The following HIBCH variants were observed in gnomAD, a reference collection of about 807,000 sequenced individuals.
HIBCH encodes 3-hydroxyisobutyryl-CoA hydrolase, also known as 3-hydroxyisobutyryl-CoA hydrolase, mitochondrial.
Under a neutral mutation model 58.2 loss-of-function variants are expected in HIBCH, and 50 were observed. That is an observed-to-expected ratio of 0.86 (90% CI 0.68 to 1.09). The LOEUF (loss-of-function observed/expected upper bound fraction) is 1.09. Ranked by LOEUF, HIBCH falls within the 50% of genes least tolerant of loss-of-function variation. The pLI is 0.00. For synonymous variants in HIBCH, 151 were observed against 146.9 expected (o/e 1.03, Z -0.20); for missense variants, 450 against 449.7 (o/e 1.00, Z -0.01).
intron 3 of HIBCH, among the ~76,000 whole-genome samples, chr2:190,296,156 C>A (rs1348323463): frequency 1.3e-5 from 2 of 152,178 alleles, no homozygotes; most frequent in Non-Finnish European, 2.9e-5. Flanking sequence ...TGCGGTGGCT[C>A]ACGCCTGTAA....
At chr2:190,275,394 C>A (rs775900014) in intron 6 of HIBCH, among the ~76,000 whole-genome samples, 3 of 152,080 alleles carry the variant, frequency 2.0e-5, no homozygotes, top group Non-Finnish European at 4.4e-5. Context: ...AAAAAGTTCA[C>A]GGAATATGCA....
chr2:190,316,594 T>C (rs904820038), intron 1 of HIBCH, among the ~76,000 whole-genome samples: 1 of 152,194 alleles, frequency 6.6e-6, no homozygotes, highest in South Asian at 2.1e-4. Flanking sequence ...GTCTATATTC[T>C]ATAAGGGCAA....
At chr2:190,311,194 T>C (rs989297500) in intron 1 of HIBCH, among the ~76,000 whole-genome samples, 2 of 152,200 alleles carry the variant, frequency 1.3e-5, no homozygotes, top group South Asian at 2.1e-4. Context: ...AAAGGCTACA[T>C]ACTCTCATTT....
intron 13 of HIBCH, among the ~76,000 whole-genome samples, chr2:190,208,079 AAC>A (rs1192009466): frequency 2.6e-5 from 4 of 152,246 alleles, no homozygotes; most frequent in Admixed American, 6.5e-5. Flanking sequence ...TGCTAGAAAA[AAC>A]AGTCAAGCAC....
chr2:190,275,327 T>C (rs1687518889), intron 6 of HIBCH, among the ~76,000 whole-genome samples: 1 of 152,234 alleles, frequency 6.6e-6, no homozygotes, highest in South Asian at 2.1e-4. Context: ...CTCTGTTCTA[T>C]ATCTACTTAA....
intron 1 of HIBCH, among the ~76,000 whole-genome samples, chr2:190,314,379 G>A (rs9750934): frequency 2.1e-4 from 18 of 83,982 alleles, no homozygotes; most frequent in Non-Finnish European, 2.8e-4. Flanking sequence ...ACGTATATAT[G>A]TGTATATATA....
At chr2:190,284,038 C>T (rs1256703944) in intron 6 of HIBCH, among the ~76,000 whole-genome samples, 1 of 152,152 alleles carries the variant, frequency 6.6e-6, no homozygotes, top group Non-Finnish European at 1.5e-5. Context: ...CTAGGCAAAC[C>T]CAAGAACATT....
At chr2:190,203,452 G>T (rs140205848), downstream of HIBCH, 443 of 166,432 alleles carry the variant, frequency 2.7e-3, 1 homozygote, top group African/African-American at 0.01. Context: ...ATTTGTTGTT[G>T]TAACTGCACA....
At chr2:190,265,703 C>T (rs1687213812) in intron 6 of HIBCH, among the ~76,000 whole-genome samples, 1 of 152,132 alleles carries the variant, frequency 6.6e-6, no homozygotes, top group African/African-American at 2.4e-5. Flanking sequence ...AAATTTTCTT[C>T]ATAAAAAGGT....
chr2:190,297,728 C>T (rs1688141084), intron 2 of HIBCH, among the ~76,000 whole-genome samples: 1 of 152,180 alleles, frequency 6.6e-6, no homozygotes, highest in Non-Finnish European at 1.5e-5. Context: ...CTCTGCTATA[C>T]CCAACCATCA....
chr2:190,264,143 C>T (rs1209083322), intron 6 of HIBCH, among the ~76,000 whole-genome samples: 1 of 152,178 alleles, frequency 6.6e-6, no homozygotes, highest in Non-Finnish European at 1.5e-5. Context: ...GACTTCCCTT[C>T]ACACTAAAAT....
intron 2 of HIBCH, among the ~76,000 whole-genome samples, chr2:190,300,782 T>G (rs1351370823): frequency 6.6e-6 from 1 of 152,228 alleles, no homozygotes; most frequent in East Asian, 1.9e-4. Context: ...TTTTACAGCT[T>G]TGGGTTTTAC....
At chr2:190,290,535 T>G (rs529445926) in intron 4 of HIBCH, 50 bp from the exon 5 acceptor site, 2 of 1,127,590 alleles carry the variant, frequency 1.8e-6, no homozygotes, top group Non-Finnish European at 2.7e-6. Context: ...ATAGTCAACA[T>G]TGTCAACTAG....
At chr2:190,309,895 A>G (rs1688514672) in intron 2 of HIBCH, among the ~76,000 whole-genome samples, 1 of 152,160 alleles carries the variant, frequency 6.6e-6, no homozygotes, top group Admixed American at 6.5e-5. Flanking sequence ...TTGAAGGATG[A>G]AAAGTATTTT....
rs958624850 is a variant in HIBCH at position 190,204,281 on chromosome 2, A to G, written c.*836T>C. On this transcript the variant is annotated 3_prime_UTR_variant, in exon 14 of 14. Transcript: ENST00000359678. The stretch of plus-strand genomic sequence containing the variant: ...TGTTTGTAAGGATAATTATCACACA[A>G]AAGTCTTACGTAAATTATAAAAAAA... 1 of 152,106 alleles carries G rather than the reference A, an allele frequency of 6.6e-6. No individual in the cohort carries two copies. The highest frequency in any genetic ancestry group is 2.4e-5 in the African/African-American group (1 of 41,454). 9.4% of individuals were successfully genotyped at this position (152,106 alleles called of 1,614,324 possible). A position where few individuals can be genotyped will look rare whatever the true frequency, so the allele number is the denominator to read the frequency against.
chr2:190,288,692 T>C (rs796527334), intron 5 of HIBCH, among the ~76,000 whole-genome samples: 34 of 152,242 alleles, frequency 2.2e-4, no homozygotes, highest in African/African-American at 7.5e-4. Flanking sequence ...TAAAAATCTT[T>C]TAGTTCAAAC....
At chr2:190,218,172 G>C (rs1685614082) in intron 11 of HIBCH, among the ~76,000 whole-genome samples, 2 of 149,660 alleles carry the variant, frequency 1.3e-5, no homozygotes, top group South Asian at 4.2e-4. Flanking sequence ...GTCACAAGCA[G>C]ACAAATATCT....
chr2:190,225,033 C>T (rs1014165307), intron 11 of HIBCH, among the ~76,000 whole-genome samples: 5 of 152,198 alleles, frequency 3.3e-5, no homozygotes, highest in South Asian at 4.1e-4. Context: ...AGGTACATAA[C>T]GAAATGAAGG....
chr2:190,247,864 A>T (rs575531478), intron 9 of HIBCH, among the ~76,000 whole-genome samples: 1 of 152,230 alleles, frequency 6.6e-6, no homozygotes, highest in South Asian at 2.1e-4. Context: ...ATAACTATAA[A>T]TTAATAAGAT....
Sources: gnomAD v4.1 joint callset for allele counts (sites outside exome capture counted in the v4.1 genomes callset) on GRCh38, gnomAD v4.1.1 for gene constraint, MANE v1.5 for transcripts, NCBI Gene and HGNC (gene_info 2026-07-23, HGNC 2026-07-21) for gene names.